Variants in PDE6C observed in about 807,000 individuals in gnomAD.
The protein encoded by PDE6C is cone cGMP-specific 3',5'-cyclic phosphodiesterase subunit alpha'.
Under a neutral mutation model 113.1 loss-of-function variants are expected in PDE6C, and 75 were observed. The ratio of observed to expected loss-of-function variants is 0.66; its 90% CI spans 0.55 to 0.80. PDE6C has a LOEUF of 0.80. PDE6C is among the 30% of genes least tolerant of loss of function. The probability of loss-of-function intolerance (pLI) is 0.00; values close to 1 mark genes in which losing one functional copy is unlikely to be tolerated. For missense variants in PDE6C, 912 were observed against 1,038.6 expected (o/e 0.88, Z 1.67); for synonymous variants, 375 against 363.7 (o/e 1.03, Z -0.35).
chr10:93,612,802 G>C lies in PDE6C; in HGVS notation c.77G>C (p.Arg26Thr), dbSNP rs2134587355. The change falls in exon 1 of 22, where the codon AGG becomes ACG. Residue 26 changes from arginine to threonine, a missense_variant. By Grantham distance (71) the Arg-to-Thr change is moderately conservative. Coordinates refer to ENST00000371447, the MANE Select transcript of PDE6C (RefSeq NM_006204.4). ...NPQFAKEYFD[R>T]KLRVEVLGEI... ...CAGTTTGCCAAGGAGTACTTTGACAGGAAGTTGCGGGTGGAGGTGCTGGGA... is the reference window on the plus strand; with the variant it reads ...CAGTTTGCCAAGGAGTACTTTGACACGAAGTTGCGGGTGGAGGTGCTGGGA... The C allele has an allele frequency of 3.1e-6, 5 of 1,614,216 alleles. No individual in the cohort carries two copies. Among genetic ancestry groups the C allele is most frequent in the Non-Finnish European group, 4.2e-6 (5 of 1,180,048 alleles).
chr10:93,665,913 C>A lies in PDE6C; in HGVS notation c.*495C>A. 5.0e-6 allele frequency: 1 copy of A among 201,312 alleles called. No individual in the cohort carries two copies. Among genetic ancestry groups the A allele is most frequent in the Non-Finnish European group, 1.0e-5 (1 of 99,856 alleles). The allele number at this position is 201,312 out of a possible 1,614,324, so 12.5% of individuals were successfully genotyped here. A position where few individuals can be genotyped will look rare whatever the true frequency, so the allele number is the denominator to read the frequency against. ...GGTCTTCCCTCTGTGTGTCTGTGTCCTAATCTCCTTTTCTTATAAGGACTC... is the reference window on the plus strand; with the variant it reads ...GGTCTTCCCTCTGTGTGTCTGTGTCATAATCTCCTTTTCTTATAAGGACTC... On this transcript the variant is annotated 3_prime_UTR_variant, in exon 22 of 22. Transcript: ENST00000371447.
intron 7 of PDE6C, 108 bp from the exon 8 acceptor site, chr10:93,629,150 C>A: frequency 4.5e-6 from 4 of 895,674 alleles, no homozygotes; most frequent in Non-Finnish European, 5.7e-6. Context: ...AGTCAAGAGC[C>A]GTGTAGAAAA....
chr10:93,663,523 GT>G (rs1195676678), intron 21 of PDE6C, among the ~76,000 whole-genome samples: 1 of 152,118 alleles, frequency 6.6e-6, no homozygotes, highest in African/African-American at 2.4e-5. Flanking sequence ...TGAGAAAAAA[GT>G]TTTTGTCCCA....
At position 93,619,735 on chromosome 10, in the gene PDE6C, G is replaced by A. The variant is rs578116561; in HGVS notation, c.481-897G>A. 2.0e-5 allele frequency among the ~76,000 whole-genome samples: 3 copies of A among 152,296 alleles called. No homozygotes were observed. The South Asian group carries it at 6.2e-4, about 32-fold the overall frequency. ...ACCACCCCGCCCAGCCTCAGAATGT[G>A]AACCTTTCATCAAAGTAATCTATGT... On this transcript the variant is annotated intron_variant, in intron 1 of 21. Transcript: ENST00000371447.
At chr10:93,648,727 A>C (rs913046) in intron 15 of PDE6C, among the ~76,000 whole-genome samples, 117,903 of 152,092 alleles carry the variant, frequency 0.78, 46,148 homozygotes, top group African/African-American at 0.89. Context: ...TGAGTGGAAA[A>C]CTTGTTAGCC....
chr10:93,639,282 C>T (rs1485963468), intron 11 of PDE6C, among the ~76,000 whole-genome samples: 1 of 152,196 alleles, frequency 6.6e-6, no homozygotes, highest in East Asian at 1.9e-4. Context: ...ACTGGCCATA[C>T]TCTCTGATTA....
chr10:93,628,428 T>C (rs1008740187), intron 7 of PDE6C, among the ~76,000 whole-genome samples: 2 of 151,916 alleles, frequency 1.3e-5, no homozygotes, highest in African/African-American at 4.8e-5. Context: ...TTACTAAAAA[T>C]ACAAAAATTA....
In PDE6C at chr10:93,612,938, G is replaced by T; in HGVS notation, c.213G>T (p.Glu71Asp). ...LCLELLWTVQEEGGTPEQGVH... is the reference protein window; with the variant it reads ...LCLELLWTVQDEGGTPEQGVH... ...TGGAGCTGCTGTGGACCGTGCAGGA[G>T]GAGGGGGGCACCCCAGAGCAGGGGG... The change falls in exon 1 of 22, where the codon GAG (glutamate) becomes GAT (aspartate). Residue 71 changes from glutamate to aspartate, a missense_variant. Physicochemically the swap from Glu to Asp is conservative, Grantham distance 45 (BLOSUM62 2). Transcript: ENST00000371447. 4 of 1,614,042 alleles carry T rather than the reference G, an allele frequency of 2.5e-6. No homozygotes were observed. Among genetic ancestry groups the T allele is most frequent in the Non-Finnish European group, 3.4e-6 (4 of 1,180,008 alleles).
chr10:93,664,853 C>CTGTT (rs2058682473), intron 21 of PDE6C, among the ~76,000 whole-genome samples: 1 of 151,994 alleles, frequency 6.6e-6, no homozygotes, highest in Non-Finnish European at 1.5e-5. Context: ...TGATCAGATT[C>CTGTT]TGTTTTTTAT....
chr10:93,648,082 A>G (rs1316552972), intron 15 of PDE6C, among the ~76,000 whole-genome samples: 1 of 152,166 alleles, frequency 6.6e-6, no homozygotes, highest in Non-Finnish European at 1.5e-5. Flanking sequence ...GCTGCCAAAT[A>G]TCTACATGCT....
Position 93,626,789 on chromosome 10 carries a change from T to C in PDE6C, c.1005-16T>C. 6.2e-7 allele frequency: 1 copy of C among 1,613,752 alleles called. No individual in the cohort carries two copies. Among genetic ancestry groups the C allele is most frequent in the Non-Finnish European group, 8.5e-7 (1 of 1,179,620 alleles). On this transcript the variant is annotated splice_polypyrimidine_tract_variant and intron_variant, in intron 6 of 21. Coordinates refer to ENST00000371447, the MANE Select transcript of PDE6C (RefSeq NM_006204.4). ...TTCTCTATATTGCAATGATTTTTTT[T>C]CTTCTCTTCCCCAAGGACGCCTCCT...
chr10:93,662,882 T>C (rs1424103788), intron 20 of PDE6C, 146 bp from the exon 21 acceptor site: 22 of 743,000 alleles, frequency 3.0e-5, no homozygotes, highest in South Asian at 1.8e-4. Context: ...ACGTGTCTCT[T>C]TCCCAAACTT....
intron 11 of PDE6C, among the ~76,000 whole-genome samples, chr10:93,639,742 A>G (rs2134610922): frequency 6.6e-6 from 1 of 152,368 alleles, no homozygotes; most frequent in South Asian, 2.1e-4. Flanking sequence ...AAAAATGAGT[A>G]AGGCTTTTGT....
At chr10:93,647,766 C>T (rs1413365057) in intron 15 of PDE6C, among the ~76,000 whole-genome samples, 2 of 152,164 alleles carry the variant, frequency 1.3e-5, no homozygotes, top group Non-Finnish European at 1.5e-5. Flanking sequence ...TGAACCAGAA[C>T]CCTTTTAATT....
In PDE6C at chr10:93,642,447, T is replaced by C. The variant is rs150203185; in HGVS notation, c.1847+1418T>C. ...TGTCATTGGACTATTCATTCACCAG[T>C]ATTGCTCATGGCCAGCCCAGTTCCT... On this transcript the variant is annotated intron_variant, in intron 14 of 21. Coordinates refer to ENST00000371447, the MANE Select transcript of PDE6C (RefSeq NM_006204.4). Among the ~76,000 whole-genome samples the C allele has an allele frequency of 3.5e-3, 528 of 152,312 alleles. 1 individual carries two copies. The highest frequency in any genetic ancestry group is 5.0e-3 in the Non-Finnish European group (341 of 68,020).
intron 9 of PDE6C, 135 bp from the exon 10 acceptor site, chr10:93,635,362 T>G: frequency 1.4e-6 from 1 of 703,408 alleles, no homozygotes; most frequent in Non-Finnish European, 2.5e-6. Flanking sequence ...TATTAGTATG[T>G]TTTTCTTAAA....
At position 93,643,820 on chromosome 10, in the gene PDE6C, A is replaced by G. The variant is rs200553432; in HGVS notation, c.1848-2140A>G. ...ACATTCACCTACATAAACACAATAC[A>G]ATGATCACCCTCAGTATTGGTACAA... On this transcript the variant is annotated intron_variant, in intron 14 of 21. Coordinates refer to ENST00000371447, the MANE Select transcript of PDE6C (RefSeq NM_006204.4). Among the ~76,000 whole-genome samples, 21 of 152,202 alleles carry G rather than the reference A, an allele frequency of 1.4e-4. No individual in the cohort carries two copies. The East Asian group carries it at 3.9e-3, about 28-fold the overall frequency.
In PDE6C at chr10:93,663,190, T is replaced by A. The variant is rs1305097698; in HGVS notation, c.2518+12T>A. On this transcript the variant is annotated intron_variant, in intron 21 of 21. Transcript: ENST00000371447. Reference sequence around the variant, plus strand: ...AGGAGCCGAAAAAGGTTAGATGGGCTCTGTTTTTGCTCCCTGTAATGTAGC... The same window carrying A: ...AGGAGCCGAAAAAGGTTAGATGGGCACTGTTTTTGCTCCCTGTAATGTAGC... 6.2e-7 allele frequency: 1 copy of A among 1,612,058 alleles called. No homozygotes were observed. Among genetic ancestry groups the A allele is most frequent in the South Asian group, 1.1e-5 (1 of 90,748 alleles).
intron 4 of PDE6C, among the ~76,000 whole-genome samples, chr10:93,623,824 C>T (rs984730810): frequency 6.6e-6 from 1 of 152,140 alleles, no homozygotes; most frequent in Admixed American, 6.5e-5. Flanking sequence ...CATTCTTTCA[C>T]TAATACCACA....
Sources: gnomAD v4.1 joint callset for allele counts (sites outside exome capture counted in the v4.1 genomes callset) on GRCh38, gnomAD v4.1.1 for gene constraint, MANE v1.5 for transcripts, NCBI Gene and HGNC (gene_info 2026-07-23, HGNC 2026-07-21) for gene names.